The following BICD1 variants were observed in gnomAD, a reference collection of about 807,000 sequenced individuals.
The protein encoded by BICD1 is BICD cargo adaptor 1.
In BICD1, 35 loss-of-function variants were observed where a neutral mutation model predicts 92.5. The ratio of observed to expected loss-of-function variants is 0.38; its 90% CI spans 0.29 to 0.50. The LOEUF (loss-of-function observed/expected upper bound fraction) is 0.50, where lower values mean the gene tolerates loss of function less well. Among genes scored for constraint, BICD1 ranks in the 20% least tolerant of loss-of-function variants. The probability of loss-of-function intolerance (pLI) is 0.93; values close to 1 mark genes in which losing one functional copy is unlikely to be tolerated. For missense variants in BICD1, 950 were observed against 1,189.8 expected, an observed-to-expected ratio of 0.80 and a Z score of 2.97; for synonymous variants, 429 against 465.1, an observed-to-expected ratio of 0.92 and a Z score of 1.00.
chr12:32,140,426 A>G (rs1942875357), intron 1 of BICD1, among the ~76,000 whole-genome samples: 1 of 152,224 alleles, frequency 6.6e-6, no homozygotes, highest in African/African-American at 2.4e-5. Context: ...AAAATGTAAT[A>G]TTTTAGAAAA....
intron 1 of BICD1, among the ~76,000 whole-genome samples, chr12:32,114,044 A>G (rs1408962446): frequency 3.3e-5 from 5 of 151,404 alleles, no homozygotes; most frequent in Non-Finnish European, 7.4e-5. Context: ...TAGTTTTTGT[A>G]TTTTTTTTAG....
rs1329320724 is a variant in BICD1, at chr12:32,379,485, A to G, written c.*1858A>G. ...ACAGAAACAAAACGATTCGACATGA[A>G]GTTCCCAACCATAGCAGCCTAACCT... On this transcript the variant is annotated 3_prime_UTR_variant, in exon 10 of 10. Transcript: ENST00000652176. 1 of 152,240 alleles carries G rather than the reference A, an allele frequency of 6.6e-6. No individual in the cohort carries two copies. The highest frequency in any genetic ancestry group is 2.4e-5 in the African/African-American group (1 of 41,464). 9.4% of individuals were successfully genotyped at this position (152,240 alleles called of 1,614,324 possible).
At chr12:32,198,408 T>C (rs1944798522) in intron 1 of BICD1, among the ~76,000 whole-genome samples, 1 of 142,872 alleles carries the variant, frequency 7.0e-6, no homozygotes, top group Non-Finnish European at 1.5e-5. Flanking sequence ...ATGGTCAGAG[T>C]TAAGGTCAGG....
chr12:32,304,227 G>T (rs1356715740), intron 3 of BICD1, among the ~76,000 whole-genome samples: 1 of 152,188 alleles, frequency 6.6e-6, no homozygotes, highest in African/African-American at 2.4e-5. Flanking sequence ...AGTTGGGGGA[G>T]AAAGAGAAAT....
intron 1 of BICD1, among the ~76,000 whole-genome samples, chr12:32,111,039 G>A (rs1355008475): frequency 6.6e-6 from 1 of 151,992 alleles, no homozygotes. Context: ...AATTTAAAAT[G>A]TTGTAAAGTT....
At chr12:32,290,867 A>G (rs1565645749) in intron 2 of BICD1, among the ~76,000 whole-genome samples, 1 of 152,046 alleles carries the variant, frequency 6.6e-6, no homozygotes, top group Non-Finnish European at 1.5e-5. Flanking sequence ...CCCCCCTCCA[A>G]TTGCAATGGT....
At chr12:32,264,034 AGGCTTCAGATCCT>A (rs1466550546) in intron 2 of BICD1, among the ~76,000 whole-genome samples, 1 of 152,242 alleles carries the variant, frequency 6.6e-6, no homozygotes, top group African/African-American at 2.4e-5. Flanking sequence ...TCAGATTGCA[AGGCTTCAGATCCT>A]GGCTCTGCCA....
intron 1 of BICD1, among the ~76,000 whole-genome samples, chr12:32,118,524 G>A (rs571238710): frequency 6.6e-6 from 1 of 152,062 alleles, no homozygotes; most frequent in Non-Finnish European, 1.5e-5. Flanking sequence ...GCTTTTTTTG[G>A]TCATTGTTCC....
intron 1 of BICD1, among the ~76,000 whole-genome samples, chr12:32,133,109 T>A (rs1942610935): frequency 6.6e-6 from 1 of 152,150 alleles, no homozygotes; most frequent in Non-Finnish European, 1.5e-5. Context: ...CACACTTAAA[T>A]TTAGGAGACG....
chr12:32,298,637 G>A (rs868011304), intron 3 of BICD1, among the ~76,000 whole-genome samples: 11 of 150,822 alleles, frequency 7.3e-5, no homozygotes, highest in Non-Finnish European at 1.2e-4. Context: ...TGGGGAGGCC[G>A]AGGCGGGCAG....
At chr12:32,225,761 C>T (rs1020733893) in intron 2 of BICD1, among the ~76,000 whole-genome samples, 1 of 151,598 alleles carries the variant, frequency 6.6e-6, no homozygotes, top group Non-Finnish European at 1.5e-5. Flanking sequence ...GCTGGGATTA[C>T]AGGCACCTAC....
intron 3 of BICD1, among the ~76,000 whole-genome samples, chr12:32,298,182 C>CA (rs34140328): frequency 0.17 from 22,511 of 132,094 alleles, 2,536 homozygotes; most frequent in African/African-American, 0.34. Flanking sequence ...GACCCTGTCT[C>CA]AAAAAAAAAA....
chr12:32,340,428 G>A lies in BICD1; in HGVS notation c.2764+1449G>A, dbSNP rs1938319845. On this transcript the variant is annotated intron_variant, in intron 8 of 9. Transcript: ENST00000652176. ...CACCAAAGTGGTAATGATTTATCAG[G>A]ATACCTAACTCGGATAAAACCCACA... The A allele has an allele frequency of 4.1e-6, 4 of 985,412 alleles. No homozygotes were observed. In the South Asian group the frequency reaches 1.9e-4, roughly 46 times the overall value. The allele number at this position is 985,412 out of a possible 1,614,324, so 61.0% of individuals were successfully genotyped here.
rs190360343 is a variant in BICD1, at chr12:32,358,631, G to C, written c.2765-9039G>C. Among the ~76,000 whole-genome samples the C allele has an allele frequency of 1.7e-3, 252 of 152,104 alleles. 2 individuals are homozygous for C. The highest frequency in any genetic ancestry group is 5.8e-3 in the African/African-American group (239 of 41,530). On this transcript the variant is annotated intron_variant, in intron 8 of 9. Transcript: ENST00000652176. The stretch of plus-strand genomic sequence containing the variant: ...GCATGCCTGTAGTCCCAGCTACTTA[G>C]GAGGCTGAGGCAGGAGAATCACTTG...
chr12:32,226,558 A>G (rs1483831216), intron 2 of BICD1, among the ~76,000 whole-genome samples: 1 of 152,234 alleles, frequency 6.6e-6, no homozygotes. Context: ...CTGTGCATCC[A>G]GGGAGCATAT....
intron 1 of BICD1, among the ~76,000 whole-genome samples, chr12:32,130,012 C>T (rs1232401568): frequency 6.6e-6 from 1 of 151,962 alleles, no homozygotes; most frequent in Non-Finnish European, 1.5e-5. Flanking sequence ...AATATAGGTA[C>T]AATGAGTTTA....
intron 1 of BICD1, among the ~76,000 whole-genome samples, chr12:32,166,104 A>ACATT (rs1380463258): frequency 1.9e-5 from 2 of 105,034 alleles, no homozygotes; most frequent in Non-Finnish European, 4.2e-5. Context: ...ATGTCTGGAG[A>ACATT]CATTTATTTA....
intron 1 of BICD1, among the ~76,000 whole-genome samples, chr12:32,142,429 A>C (rs982160947): frequency 3.8e-4 from 10 of 26,530 alleles, no homozygotes; most frequent in East Asian, 3.7e-3. Flanking sequence ...AAAAAAAAAA[A>C]AACAAAAAAC....
chr12:32,229,236 G>A (rs180806253), intron 2 of BICD1, among the ~76,000 whole-genome samples: 27 of 152,204 alleles, frequency 1.8e-4, no homozygotes, highest in Non-Finnish European at 1.2e-4. Flanking sequence ...TGGCGACAGA[G>A]CAAGACTCTG....
Sources: allele counts gnomAD v4.1 joint callset (sites outside exome capture counted in the v4.1 genomes callset), GRCh38; gene constraint gnomAD v4.1.1; transcripts MANE v1.5; gene names NCBI Gene and HGNC (gene_info 2026-07-23, HGNC 2026-07-21).